Variants in ARHGEF3 observed in about 807,000 individuals in gnomAD.
ARHGEF3 encodes the protein Rho guanine nucleotide exchange factor 3, also known as 59.8 kDA protein.
ARHGEF3 carries 28 observed loss-of-function variants against 63.2 expected under a neutral mutation model. That is an observed-to-expected ratio of 0.44 (90% CI 0.33 to 0.61). The LOEUF is 0.61. Ranked by LOEUF, ARHGEF3 falls within the 20% of genes least tolerant of loss-of-function variation. ARHGEF3 has a pLI of 0.03. For missense variants in ARHGEF3, 533 were observed against 659.3 expected (o/e 0.81, Z 2.10); for synonymous variants, 266 against 254.2 (o/e 1.05, Z -0.44).
At chr3:57,017,214 G>T (rs951964991) in intron 2 of ARHGEF3, among the ~76,000 whole-genome samples, 5 of 152,186 alleles carry the variant, frequency 3.3e-5, no homozygotes, top group African/African-American at 1.2e-4. Context: ...TGCATTCTAT[G>T]CGTGGAGTTG....
At position 57,047,366 on chromosome 3, in the gene ARHGEF3, C is replaced by CAAAAACAAACA. The variant is rs552575616; in HGVS notation, c.-27-12201_-27-12191dup. Reference sequence around the variant, plus strand: ...ACTCCGTCTCAAACAGAAACAAAAACAAAAACAAACAAAAAAAAAACTTCG... The same window carrying CAAAAACAAACA: ...ACTCCGTCTCAAACAGAAACAAAAACAAAAACAAACAAAAAACAAACAAAAAAAAAACTTCG... On this transcript the variant is annotated intron_variant, in intron 1 of 12. Transcript: ENST00000338458. 4.9e-3 allele frequency among the ~76,000 whole-genome samples: 717 copies of CAAAAACAAACA among 145,364 alleles called. 5 individuals are homozygous for CAAAAACAAACA. The highest frequency in any genetic ancestry group is 0.013 in the South Asian group (57 of 4,446).
intron 2 of ARHGEF3, among the ~76,000 whole-genome samples, chr3:57,034,656 C>CTTTTTTT (rs34696155): frequency 1.8e-5 from 2 of 109,516 alleles, no homozygotes; most frequent in African/African-American, 3.6e-5. Flanking sequence ...ACTCCAAATT[C>CTTTTTTT]TTTTTTTTTT....
At chr3:57,000,624 C>T (rs1408751294) in intron 2 of ARHGEF3, among the ~76,000 whole-genome samples, 1 of 152,162 alleles carries the variant, frequency 6.6e-6, no homozygotes, top group African/African-American at 2.4e-5. Context: ...CCTCTGCCTC[C>T]CGGGTTCAAG....
chr3:57,027,558 A>G (rs1703527263), intron 2 of ARHGEF3, among the ~76,000 whole-genome samples: 1 of 152,144 alleles, frequency 6.6e-6, no homozygotes, highest in South Asian at 2.1e-4. Flanking sequence ...TGGGAGCGTC[A>G]AAGGTGCAGG....
chr3:56,905,984 C>T (rs891094658), intron 3 of ARHGEF3, among the ~76,000 whole-genome samples: 5 of 152,134 alleles, frequency 3.3e-5, no homozygotes, highest in Non-Finnish European at 7.3e-5. Flanking sequence ...TCTGCCTCAG[C>T]CTCCCGAGTA....
rs569676448 is a variant in ARHGEF3, at chr3:56,851,592, C to T, written c.192+30700G>A. Among the ~76,000 whole-genome samples the T allele has an allele frequency of 7.9e-5, 12 of 151,512 alleles. No homozygotes were observed. The South Asian group carries it at 1.7e-3, about 21-fold the overall frequency. The stretch of plus-strand genomic sequence containing the variant: ...ATGTAGAGAGGGGGTTTTACCATGT[C>T]GCCCAAGTTGGTCTTAATCTCCTGG... On this transcript the variant is annotated intron_variant, in intron 4 of 12. Transcript: ENST00000338458.
intron 2 of ARHGEF3, among the ~76,000 whole-genome samples, chr3:57,014,582 T>G (rs56259671): frequency 0.11 from 16,691 of 152,272 alleles, 1,349 homozygotes; most frequent in East Asian, 0.35. Flanking sequence ...AAACTATATT[T>G]CTTTATAGTT....
At chr3:56,779,476 GT>G (rs1189979162) in intron 1 of ARHGEF3, among the ~76,000 whole-genome samples, 29 of 150,972 alleles carry the variant, frequency 1.9e-4, no homozygotes, top group Middle Eastern at 3.4e-3. Context: ...AAAATAAAAA[GT>G]TTTTTTTTAT....
At chr3:56,750,820 C>G (rs3732509) in intron 6 of ARHGEF3, among the ~76,000 whole-genome samples, 56,001 of 151,228 alleles carry the variant, frequency 0.37, 14,761 homozygotes, top group East Asian at 0.73. Flanking sequence ...TTATTTTGTT[C>G]CAAAAGGCCC....
At chr3:56,822,005 GAAGAGAAGAGAAGAGAAGA>G (rs2038519421) in intron 4 of ARHGEF3, among the ~76,000 whole-genome samples, 1 of 147,894 alleles carries the variant, frequency 6.8e-6, no homozygotes, top group Non-Finnish European at 1.5e-5. Flanking sequence ...GAAGAGAAGA[GAAGAGAAGAGAAGAGAAGA>G]GAAGAGAAGC....
intron 2 of ARHGEF3, among the ~76,000 whole-genome samples, chr3:57,015,627 A>T (rs1347325817): frequency 6.8e-6 from 1 of 146,232 alleles, no homozygotes; most frequent in African/African-American, 2.5e-5. Context: ...TTTTTAGTAC[A>T]AACGAAGTCT....
In ARHGEF3 at chr3:56,761,020, C is replaced by A. The variant is rs151329706; in HGVS notation, c.205-5869G>T. On this transcript the variant is annotated intron_variant, in intron 2 of 9. Coordinates refer to ENST00000296315, the MANE Select transcript of ARHGEF3 (RefSeq NM_019555.3). ...GGTGAGGTTACTGACACCTGTAAGT[C>A]TAGCAATTTGACAGGCTGAGATGGG... Among the ~76,000 whole-genome samples, 68 of 152,270 alleles carry A rather than the reference C, an allele frequency of 4.5e-4. 1 individual carries two copies. The highest frequency in any genetic ancestry group is 4.9e-4 in the Non-Finnish European group (33 of 68,016).
At chr3:56,973,968 T>G (rs762276840) in intron 2 of ARHGEF3, among the ~76,000 whole-genome samples, 3 of 152,108 alleles carry the variant, frequency 2.0e-5, no homozygotes, top group Non-Finnish European at 4.4e-5. Flanking sequence ...TACCTGTAGT[T>G]CCAGCTACTT....
chr3:56,940,074 G>A (rs889284857), intron 3 of ARHGEF3: 1 of 152,160 alleles, frequency 6.6e-6, no homozygotes, highest in African/African-American at 2.4e-5. Context: ...AGATGGCTGT[G>A]TTTCAACTGT....
chr3:56,873,196 A>G (rs188278726), intron 4 of ARHGEF3, among the ~76,000 whole-genome samples: 195 of 145,870 alleles, frequency 1.3e-3, no homozygotes, highest in African/African-American at 4.5e-3. Context: ...TAAAACCTCA[A>G]ACAAGTTTTA....
chr3:56,831,413 C>A (rs979612668), intron 4 of ARHGEF3, among the ~76,000 whole-genome samples: 1 of 152,182 alleles, frequency 6.6e-6, no homozygotes, highest in East Asian at 1.9e-4. Context: ...TTGTTCTTAA[C>A]CACTATCAGG....
intron 1 of ARHGEF3, chr3:57,074,345 A>C: frequency 1.5e-6 from 2 of 1,296,998 alleles, no homozygotes; most frequent in Non-Finnish European, 2.2e-6. Flanking sequence ...CCTCCCTTCC[A>C]TCCCCCACCC....
At chr3:56,880,231 T>C (rs2040722736) in intron 4 of ARHGEF3, among the ~76,000 whole-genome samples, 1 of 152,188 alleles carries the variant, frequency 6.6e-6, no homozygotes, top group African/African-American at 2.4e-5. Context: ...GGATCGGCCA[T>C]GTTGGTGGTA....
chr3:56,944,869 G>A (rs7651438), intron 3 of ARHGEF3, among the ~76,000 whole-genome samples: 39,064 of 151,930 alleles, frequency 0.26, 6,006 homozygotes, highest in East Asian at 0.39. Flanking sequence ...GTGAGCCACC[G>A]CACTCAGCCA....
Sources: gnomAD v4.1 joint callset for allele counts (sites outside exome capture counted in the v4.1 genomes callset) on GRCh38, gnomAD v4.1.1 for gene constraint, MANE v1.5 for transcripts, NCBI Gene and HGNC (gene_info 2026-07-23, HGNC 2026-07-21) for gene names.